Variants in PIP4P2 observed in about 807,000 individuals in gnomAD.
PIP4P2 encodes the protein phosphatidylinositol-4,5-bisphosphate 4-phosphatase 2, also known as type 2 phosphatidylinositol 4,5-bisphosphate 4-phosphatase.
Under a neutral mutation model 33.3 loss-of-function variants are expected in PIP4P2, and 19 were observed. The ratio of observed to expected loss-of-function variants is 0.57; its 90% CI spans 0.40 to 0.84. The LOEUF (loss-of-function observed/expected upper bound fraction) is 0.84. PIP4P2 is among the 40% of genes least tolerant of loss of function. PIP4P2 has a pLI of 0.00. For synonymous variants in PIP4P2, 110 were observed against 111.9 expected, an observed-to-expected ratio of 0.98 and a Z score of 0.11; for missense variants, 270 against 324.7, an observed-to-expected ratio of 0.83 and a Z score of 1.29.
At position 91,022,498 on chromosome 8, in the gene PIP4P2, G is replaced by A. The variant is rs80246259; in HGVS notation, c.107-1094C>T. On this transcript the variant is annotated intron_variant, in intron 1 of 6. Coordinates refer to ENST00000285419, the MANE Select transcript of PIP4P2 (RefSeq NM_018710.3). ...TACAGGAATAGAAGACTTTTCCAAG[G>A]TAAAGTTTTGTCTTGGGACATTTAG... Among the ~76,000 whole-genome samples, 1,374 of 152,242 alleles carry A rather than the reference G, an allele frequency of 9.0e-3. 21 individuals are homozygous for A. Among genetic ancestry groups the A allele is most frequent in the African/African-American group, 0.031 (1,287 of 41,526 alleles).
At chr8:91,003,101 A>G (rs1055441570) in intron 5 of PIP4P2, among the ~76,000 whole-genome samples, 13 of 152,226 alleles carry the variant, frequency 8.5e-5, no homozygotes, top group Non-Finnish European at 1.6e-4. Flanking sequence ...CAAACCTAAA[A>G]TAACAATGGA....
chr8:90,996,809 TG>T, intron 5 of PIP4P2, 65 bp from the exon 6 acceptor site: 2 of 1,318,292 alleles, frequency 1.5e-6, no homozygotes, highest in Non-Finnish European at 2.1e-6. Flanking sequence ...ATTTCATTTT[TG>T]TGAGTTCTTA....
chr8:91,001,024 G>A (rs1046364568), intron 5 of PIP4P2, among the ~76,000 whole-genome samples: 1 of 151,780 alleles, frequency 6.6e-6, no homozygotes, highest in Non-Finnish European at 1.5e-5. Flanking sequence ...TTTAATTTCT[G>A]TAATAATTTC....
intron 1 of PIP4P2, among the ~76,000 whole-genome samples, chr8:91,036,917 A>G (rs1444061630): frequency 6.6e-6 from 1 of 152,282 alleles, no homozygotes; most frequent in Non-Finnish European, 1.5e-5. Flanking sequence ...CTCCCTTCAC[A>G]TGTCTGAGGG....
At chr8:90,998,873 C>T (rs568483225) in intron 5 of PIP4P2, among the ~76,000 whole-genome samples, 1 of 152,158 alleles carries the variant, frequency 6.6e-6, no homozygotes, top group African/African-American at 2.4e-5. Flanking sequence ...GCAAAGATTT[C>T]ATGATGATGA....
chr8:90,994,064 T>TTAGGAA lies in PIP4P2; in HGVS notation c.*1612_*1613insTTCCTA, dbSNP rs1811595461. On this transcript the variant is annotated 3_prime_UTR_variant, in exon 7 of 7. Coordinates refer to ENST00000285419, the MANE Select transcript of PIP4P2 (RefSeq NM_018710.3). ...ACTAGTTAACCATTAGGAAAAGAAGTAAGATTATTTTATACCTAACATCAA... is the reference window on the plus strand; with the variant it reads ...ACTAGTTAACCATTAGGAAAAGAAGTTAGGAAAAGATTATTTTATACCTAACATCAA... The TTAGGAA allele has an allele frequency of 1.3e-5, 2 of 152,302 alleles. No individual in the cohort carries two copies. Among genetic ancestry groups the TTAGGAA allele is most frequent in the Admixed American group, 1.3e-4 (2 of 15,294 alleles). 9.4% of individuals were successfully genotyped at this position (152,302 alleles called of 1,614,324 possible). A position where few individuals can be genotyped will look rare whatever the true frequency, so the allele number is the denominator to read the frequency against.
intron 1 of PIP4P2, among the ~76,000 whole-genome samples, chr8:91,038,741 C>T (rs1188715296): frequency 6.6e-6 from 1 of 152,092 alleles, no homozygotes; most frequent in African/African-American, 2.4e-5. Flanking sequence ...ATGCTTTTAC[C>T]TCTCATTTAT....
In PIP4P2 at chr8:91,025,495, A is replaced by G. The variant is rs187323626; in HGVS notation, c.107-4091T>C. Reference sequence around the variant, plus strand: ...TCAGATATATCCTCCAGTATTTTAAAGATTTAAATTGTTTTGTTGGATTGC... The same window carrying G: ...TCAGATATATCCTCCAGTATTTTAAGGATTTAAATTGTTTTGTTGGATTGC... On this transcript the variant is annotated intron_variant, in intron 1 of 6. Coordinates refer to ENST00000285419, the MANE Select transcript of PIP4P2 (RefSeq NM_018710.3). Among the ~76,000 whole-genome samples the G allele has an allele frequency of 7.9e-5, 12 of 152,258 alleles. No individual in the cohort carries two copies. In the East Asian group the frequency reaches 2.3e-3, roughly 29 times the overall value.
chr8:91,003,381 G>C (rs1811725367), intron 5 of PIP4P2, among the ~76,000 whole-genome samples: 1 of 152,094 alleles, frequency 6.6e-6, no homozygotes, highest in Non-Finnish European at 1.5e-5. Flanking sequence ...AAAATGTCAA[G>C]GGACATAATT....
intron 5 of PIP4P2, among the ~76,000 whole-genome samples, chr8:91,007,061 C>T (rs953439197): frequency 2.6e-5 from 4 of 152,056 alleles, no homozygotes; most frequent in East Asian, 1.9e-4. Context: ...TAATTTTGTA[C>T]ATTTTCGTGA....
intron 1 of PIP4P2, among the ~76,000 whole-genome samples, chr8:91,035,829 C>G (rs1467217928): frequency 2.0e-5 from 3 of 152,022 alleles, no homozygotes; most frequent in African/African-American, 7.3e-5. Flanking sequence ...AGGAGTTTGA[C>G]ACCAGCCTGG....
At chr8:91,028,514 G>C (rs956865658) in intron 1 of PIP4P2, among the ~76,000 whole-genome samples, 1 of 152,210 alleles carries the variant, frequency 6.6e-6, no homozygotes, top group African/African-American at 2.4e-5. Context: ...TCTTAGCCCA[G>C]ATCCAACTCA....
In PIP4P2 at chr8:91,018,417, C is replaced by T. The variant is rs1811949998; in HGVS notation, c.459G>A (p.Val153=). The T allele has an allele frequency of 1.2e-6, 2 of 1,613,930 alleles. No homozygotes were observed. Among genetic ancestry groups the T allele is most frequent in the South Asian group, 1.1e-5 (1 of 91,094 alleles). ...GGAATGTGTTTCCACAGTGCCCACA[C>T]ACGACCCTTGTACCTTCTGGTTGGA... ...LPIQPEGTRV[V]CGHCGNTFLW... Residue 153 remains valine (V), a synonymous_variant, in exon 4 of 7, where the codon GTG becomes GTA. Transcript: ENST00000285419.
chr8:91,040,788 G>A lies in PIP4P2; in HGVS notation c.-39C>T. The A allele has an allele frequency of 6.3e-7, 1 of 1,591,194 alleles. No individual in the cohort carries two copies. Among genetic ancestry groups the A allele is most frequent in the South Asian group, 1.1e-5 (1 of 90,432 alleles). ...GCGGGGCCTGGGGAGGCCGAGCCGG[G>A]GTTGCGGCCTCGGCGGAGTGGTGGC... On this transcript the variant is annotated 5_prime_UTR_variant, in exon 1 of 7. Transcript: ENST00000285419.
At chr8:90,996,042 A>G (rs1397060802) in intron 6 of PIP4P2, among the ~76,000 whole-genome samples, 2 of 152,140 alleles carry the variant, frequency 1.3e-5, no homozygotes, top group Non-Finnish European at 2.9e-5. Context: ...AGCACACTAA[A>G]CTATATTATC....
At position 91,022,702 on chromosome 8, in the gene PIP4P2, G is replaced by C. The variant is rs561933888; in HGVS notation, c.107-1298C>G. On this transcript the variant is annotated intron_variant, in intron 1 of 6. Transcript: ENST00000285419. ...CTTTGTGATATTTTAAAAAGAATTA[G>C]AGCATAAAACATTTTGGTATGTTTA... Among the ~76,000 whole-genome samples, 14 of 152,286 alleles carry C rather than the reference G, an allele frequency of 9.2e-5. No homozygotes were observed. The East Asian group carries it at 2.3e-3, about 25-fold the overall frequency.
intron 4 of PIP4P2, among the ~76,000 whole-genome samples, chr8:91,009,018 G>A (rs777835810): frequency 3.3e-5 from 5 of 152,090 alleles, no homozygotes; most frequent in South Asian, 2.1e-4. Flanking sequence ...ATGCTCTGAC[G>A]CAATCTAGGT....
chr8:91,018,245 T>A (rs1322233216), intron 4 of PIP4P2, 145 bp downstream of exon 4: 37 of 1,309,548 alleles, frequency 2.8e-5, no homozygotes, highest in Non-Finnish European at 3.2e-5. Flanking sequence ...CTAGTTGCAC[T>A]TCTGATTGTC....
chr8:91,013,477 C>A (rs1181269625), intron 4 of PIP4P2, among the ~76,000 whole-genome samples: 1 of 152,012 alleles, frequency 6.6e-6, no homozygotes, highest in Non-Finnish European at 1.5e-5. Context: ...TTAGTTAATT[C>A]ATTTAATATC....
Sources: gnomAD v4.1 joint callset for allele counts (sites outside exome capture counted in the v4.1 genomes callset) on GRCh38, gnomAD v4.1.1 for gene constraint, MANE v1.5 for transcripts, NCBI Gene and HGNC (gene_info 2026-07-23, HGNC 2026-07-21) for gene names.